Variants in CHST8 observed in about 807,000 individuals in gnomAD.
The protein encoded by CHST8 is GALNAC-4-ST1.
Under a neutral mutation model 15.0 loss-of-function variants are expected in CHST8, and 10 were observed. The ratio of observed to expected loss-of-function variants is 0.67; its 90% CI spans 0.41 to 1.13. The LOEUF is 1.13. Ranked by LOEUF, CHST8 falls within the 50% of genes most tolerant of loss-of-function variation. The probability of loss-of-function intolerance (pLI) is 0.00; values close to 1 mark genes in which losing one functional copy is unlikely to be tolerated. For synonymous variants in CHST8, 259 were observed against 256.6 expected, an observed-to-expected ratio of 1.01 and a Z score of -0.09; for missense variants, 634 against 608.2, an observed-to-expected ratio of 1.04 and a Z score of -0.45.
chr19:33,729,070 A>G (rs1223274069), intron 3 of CHST8, among the ~76,000 whole-genome samples: 1 of 152,144 alleles, frequency 6.6e-6, no homozygotes, highest in Admixed American at 6.5e-5. Flanking sequence ...GGCAGAGAGG[A>G]GATGGGCACT....
At chr19:33,677,295 C>A (rs533475561) in intron 2 of CHST8, among the ~76,000 whole-genome samples, 2 of 152,292 alleles carry the variant, frequency 1.3e-5, no homozygotes, top group South Asian at 4.1e-4. Context: ...CAGAGCCCCA[C>A]GTACAGGGAT....
At chr19:33,727,181 T>C (rs1973917616) in intron 3 of CHST8, among the ~76,000 whole-genome samples, 1 of 151,118 alleles carries the variant, frequency 6.6e-6, no homozygotes, top group Non-Finnish European at 1.5e-5. Context: ...TTTCTTCAAA[T>C]GAGGCTCCCT....
At chr19:33,649,783 G>A (rs1972410363) in intron 1 of CHST8, among the ~76,000 whole-genome samples, 1 of 152,172 alleles carries the variant, frequency 6.6e-6, no homozygotes, top group Admixed American at 6.5e-5. Flanking sequence ...GAAAGTTACT[G>A]AAATCAGTCT....
chr19:33,721,594 A>ATGGATGGG, intron 3 of CHST8, among the ~76,000 whole-genome samples: 1 of 122,480 alleles, frequency 8.2e-6, no homozygotes, highest in Non-Finnish European at 1.6e-5. Flanking sequence ...GGGCATATGG[A>ATGGATGGG]TGGATGGATG....
intron 3 of CHST8, among the ~76,000 whole-genome samples, 172 bp downstream of exon 3, chr19:33,689,563 G>A (rs572117991): frequency 6.6e-6 from 1 of 152,344 alleles, no homozygotes; most frequent in Admixed American, 6.5e-5. Context: ...CTCAATGTGG[G>A]AGTGCTGTGT....
chr19:33,650,856 G>C (rs1290216759), intron 1 of CHST8, among the ~76,000 whole-genome samples: 1 of 152,024 alleles, frequency 6.6e-6, no homozygotes, highest in Non-Finnish European at 1.5e-5. Context: ...CTACAGGCAT[G>C]TGCCACCATG....
chr19:33,688,811 G>A (rs989023491), intron 2 of CHST8, among the ~76,000 whole-genome samples: 2 of 152,154 alleles, frequency 1.3e-5, no homozygotes, highest in Non-Finnish European at 2.9e-5. Context: ...CTAGGCCCCC[G>A]CCCTGGGAGC....
chr19:33,630,705 G>A (rs930303657), intron 1 of CHST8, among the ~76,000 whole-genome samples: 1 of 151,630 alleles, frequency 6.6e-6, no homozygotes, highest in Non-Finnish European at 1.5e-5. Flanking sequence ...GGGCCAGTGC[G>A]TGGTACAGGC....
At chr19:33,644,673 G>A (rs1197553566) in intron 1 of CHST8, among the ~76,000 whole-genome samples, 2 of 152,196 alleles carry the variant, frequency 1.3e-5, no homozygotes, top group Admixed American at 6.5e-5. Context: ...TCCAGGAGGT[G>A]GAGGCTGCAG....
chr19:33,640,133 C>T (rs939113521), intron 1 of CHST8, among the ~76,000 whole-genome samples: 7 of 152,166 alleles, frequency 4.6e-5, no homozygotes, highest in East Asian at 1.9e-4. Flanking sequence ...TAAGCCACTG[C>T]GCCCAGCAAA....
intron 1 of CHST8, among the ~76,000 whole-genome samples, chr19:33,649,494 C>G (rs1972405505): frequency 6.6e-6 from 1 of 152,122 alleles, no homozygotes; most frequent in African/African-American, 2.4e-5. Flanking sequence ...CAGGGTGGAA[C>G]AGGAATTTAT....
chr19:33,771,420 G>A lies in CHST8; in HGVS notation c.138G>A (p.Lys46=), dbSNP rs756838397. 5 of 1,614,152 alleles carry A rather than the reference G, an allele frequency of 3.1e-6. No homozygotes were observed. The Admixed American group carries it at 8.3e-5, about 27-fold the overall frequency. ...ELAPQQVPGI[K]FNIRPRQPHH... ...CCTCTGTTTGCTTTTCAGGAATAAA[G>A]TTCAACATCAGGCCAAGGCAGCCCC... The change falls in exon 4 of 5, where the codon AAG becomes AAA. Residue 46 remains lysine, a synonymous_variant. Coordinates refer to ENST00000650847, the MANE Select transcript of CHST8 (RefSeq NM_001127895.2).
chr19:33,732,314 C>T (rs972971170), intron 3 of CHST8, among the ~76,000 whole-genome samples: 11 of 152,116 alleles, frequency 7.2e-5, no homozygotes, highest in African/African-American at 2.7e-4. Flanking sequence ...CCCAGCTGGG[C>T]TGTACTACAT....
chr19:33,759,038 C>T (rs1321052269), intron 3 of CHST8, among the ~76,000 whole-genome samples: 2 of 152,154 alleles, frequency 1.3e-5, no homozygotes, highest in Non-Finnish European at 2.9e-5. Flanking sequence ...CGGTGCCACA[C>T]TTCACAACAA....
intron 3 of CHST8, among the ~76,000 whole-genome samples, chr19:33,722,576 C>T (rs146341971): frequency 6.6e-6 from 1 of 152,278 alleles, no homozygotes; most frequent in East Asian, 1.9e-4. Context: ...TGCCTCTGGC[C>T]CTGTCTTTCT....
chr19:33,640,123 T>C (rs1342988628), intron 1 of CHST8, among the ~76,000 whole-genome samples: 1 of 152,188 alleles, frequency 6.6e-6, no homozygotes, highest in Non-Finnish European at 1.5e-5. Context: ...ATTACAGGCG[T>C]AAGCCACTGC....
chr19:33,689,126 G>A (rs914782382), intron 2 of CHST8, 50 bp from the exon 3 acceptor site: 3 of 1,073,504 alleles, frequency 2.8e-6, no homozygotes, highest in Non-Finnish European at 3.8e-6. Flanking sequence ...GCCTACACCT[G>A]CCCGGGTGCC....
chr19:33,754,674 C>T, intron 3 of CHST8, among the ~76,000 whole-genome samples: 1 of 152,342 alleles, frequency 6.6e-6, no homozygotes, highest in East Asian at 1.9e-4. Flanking sequence ...CCGCTCCAGC[C>T]TCTGCCACGT....
intron 1 of CHST8, among the ~76,000 whole-genome samples, chr19:33,636,413 A>G (rs1600228197): frequency 6.6e-6 from 1 of 152,042 alleles, no homozygotes; most frequent in South Asian, 2.1e-4. Flanking sequence ...CTTGGGCCCT[A>G]TGCAGTATTT....
Sources: allele counts gnomAD v4.1 joint callset (sites outside exome capture counted in the v4.1 genomes callset), GRCh38; gene constraint gnomAD v4.1.1; transcripts MANE v1.5; gene names NCBI Gene and HGNC (gene_info 2026-07-23, HGNC 2026-07-21).